UBE2E1: variants seen among roughly 807,000 people sequenced by gnomAD.
UBE2E1 encodes ubiquitin conjugating enzyme E2 E1.
UBE2E1 carries 6 observed loss-of-function variants against 21.4 expected under a neutral mutation model. The ratio of observed to expected loss-of-function variants is 0.28; its 90% CI spans 0.15 to 0.55. The LOEUF (loss-of-function observed/expected upper bound fraction) is 0.55. Ranked by LOEUF, UBE2E1 falls within the 20% of genes least tolerant of loss-of-function variation. The pLI is 0.93. For synonymous variants in UBE2E1, 87 were observed against 82.7 expected, an observed-to-expected ratio of 1.05 and a Z score of -0.28; for missense variants, 142 against 236.5, an observed-to-expected ratio of 0.60 and a Z score of 2.62.
chr3:23,839,050 C>A (rs1177613559), intron 3 of UBE2E1, among the ~76,000 whole-genome samples: 1 of 152,006 alleles, frequency 6.6e-6, no homozygotes, highest in Non-Finnish European at 1.5e-5. Flanking sequence ...CACAGCGACC[C>A]CTCAACAATC....
chr3:23,875,449 A>G lies in UBE2E1; in HGVS notation c.204-12118A>G, dbSNP rs558816701. On this transcript the variant is annotated intron_variant, in intron 3 of 5. Coordinates refer to ENST00000306627, the MANE Select transcript of UBE2E1 (RefSeq NM_003341.5). ...TCTGTGTAAATACCCAGACAAATCT[A>G]TTCTCTTCCTGGTTTGGAACAAATT... 2.0e-5 allele frequency among the ~76,000 whole-genome samples: 3 copies of G among 152,308 alleles called. No homozygotes were observed. The South Asian group carries it at 6.2e-4, about 32-fold the overall frequency.
At chr3:23,857,018 AAGAG>A (rs1553638830) in intron 3 of UBE2E1, among the ~76,000 whole-genome samples, 1 of 145,964 alleles carries the variant, frequency 6.9e-6, no homozygotes, top group Admixed American at 6.8e-5. Context: ...AAAAAAAAAA[AAGAG>A]AGAGAATGAG....
At chr3:23,879,392 A>T in intron 3 of UBE2E1, 1 of 530,012 alleles carries the variant, frequency 1.9e-6, no homozygotes, top group Middle Eastern at 4.3e-4. Context: ...CCTGTATAAG[A>T]CAGTTGTCTT....
At chr3:23,890,449 C>G in intron 5 of UBE2E1, 60 bp from the exon 6 acceptor site, 2 of 1,541,436 alleles carry the variant, frequency 1.3e-6, no homozygotes, top group Non-Finnish European at 1.8e-6. Context: ...TGTCACTATT[C>G]GCTAAAGTTT....
chr3:23,860,205 T>C (rs1386791456), intron 3 of UBE2E1, among the ~76,000 whole-genome samples: 1 of 152,214 alleles, frequency 6.6e-6, no homozygotes, highest in Non-Finnish European at 1.5e-5. Flanking sequence ...CTTGGCTAGA[T>C]GAAGATGAAC....
intron 3 of UBE2E1, among the ~76,000 whole-genome samples, chr3:23,840,194 C>T (rs543100526): frequency 3.9e-4 from 60 of 152,164 alleles, no homozygotes; most frequent in African/African-American, 1.4e-3. Context: ...AGGTATTTAT[C>T]ATTTTAAATT....
intron 3 of UBE2E1, among the ~76,000 whole-genome samples, chr3:23,882,044 G>A (rs970903603): frequency 7.2e-5 from 11 of 152,200 alleles, no homozygotes; most frequent in African/African-American, 1.9e-4. Flanking sequence ...AGCTCACAAA[G>A]GCAGTGCGGA....
In UBE2E1 at chr3:23,863,393, CT is replaced by C. The variant is rs1700594185; in HGVS notation, c.204-24173del. Among the ~76,000 whole-genome samples, 1 of 152,016 alleles carries C rather than the reference CT, an allele frequency of 6.6e-6. No individual in the cohort carries two copies. The highest frequency in any genetic ancestry group is 1.5e-5 in the Non-Finnish European group (1 of 68,016). Reference sequence around the variant, plus strand: ...CCAAGTTATTCTCTCACCTTTTCCCCTCTCCCTTTCTCCCTCTGTGCCCTTC... The same window carrying C: ...CCAAGTTATTCTCTCACCTTTTCCCCCTCCCTTTCTCCCTCTGTGCCCTTC... On this transcript the variant is annotated intron_variant, in intron 3 of 5. Coordinates refer to ENST00000306627, the MANE Select transcript of UBE2E1 (RefSeq NM_003341.5). The surrounding 1 kb of genome is among the most constrained non-coding windows in gnomAD (Gnocchi z 4.3).
intron 3 of UBE2E1, among the ~76,000 whole-genome samples, chr3:23,869,419 CTGTGTGTGTG>C (rs4024641): frequency 2.3e-5 from 3 of 132,526 alleles, no homozygotes; most frequent in Non-Finnish European, 4.6e-5. Flanking sequence ...TGGTCTTTTC[CTGTGTGTGTG>C]TGTGTGTGTG....
At chr3:23,809,216 A>C (rs187157743) in intron 2 of UBE2E1, among the ~76,000 whole-genome samples, 2 of 152,352 alleles carry the variant, frequency 1.3e-5, no homozygotes, top group Admixed American at 1.3e-4. Context: ...CTGAAAGAGT[A>C]GCTATTAGTG....
Position 23,851,274 on chromosome 3 carries a change from T to C in UBE2E1, c.204-36293T>C, listed in dbSNP as rs1272363320. ...TTTGTATCTATCCTTTTGCTGGTACTACGATGTCTTAATTTCTGTGGCTTC... is the reference window on the plus strand; with the variant it reads ...TTTGTATCTATCCTTTTGCTGGTACCACGATGTCTTAATTTCTGTGGCTTC... On this transcript the variant is annotated intron_variant, in intron 3 of 5. Coordinates refer to ENST00000306627, the MANE Select transcript of UBE2E1 (RefSeq NM_003341.5). Among the ~76,000 whole-genome samples the C allele has an allele frequency of 5.3e-5, 8 of 152,232 alleles. No individual in the cohort carries two copies. The East Asian group carries it at 1.5e-3, about 29-fold the overall frequency.
intron 3 of UBE2E1, among the ~76,000 whole-genome samples, chr3:23,829,177 AAAAG>A: frequency 6.6e-6 from 1 of 151,236 alleles, no homozygotes; most frequent in East Asian, 1.9e-4. Context: ...AAAAAAAAAA[AAAAG>A]AGAGGGCCTC....
At chr3:23,883,379 C>T (rs2125328162) in intron 3 of UBE2E1, among the ~76,000 whole-genome samples, 1 of 152,206 alleles carries the variant, frequency 6.6e-6, no homozygotes, top group South Asian at 2.1e-4. Flanking sequence ...GAGTCTTACT[C>T]CCTATTCTTC....
chr3:23,807,562 C>A, intron 2 of UBE2E1, 141 bp downstream of exon 2: 1 of 1,072,048 alleles, frequency 9.3e-7, no homozygotes, highest in Non-Finnish European at 1.3e-6. Context: ...GCCTTGGAAG[C>A]CCTAATTATT....
At chr3:23,846,609 T>C (rs1161681251) in intron 3 of UBE2E1, among the ~76,000 whole-genome samples, 1 of 146,610 alleles carries the variant, frequency 6.8e-6, no homozygotes, top group Non-Finnish European at 1.5e-5. Context: ...GGCCCGGCAA[T>C]CACTTGAACC....
intron 3 of UBE2E1, among the ~76,000 whole-genome samples, chr3:23,845,292 C>T (rs1390731146): frequency 6.6e-6 from 1 of 152,142 alleles, no homozygotes; most frequent in East Asian, 1.9e-4. Context: ...TGGCAGAATG[C>T]ATTGCACACT....
At chr3:23,839,841 T>C (rs1165954287) in intron 3 of UBE2E1, among the ~76,000 whole-genome samples, 2 of 152,322 alleles carry the variant, frequency 1.3e-5, no homozygotes, top group East Asian at 3.9e-4. Context: ...TCTTTTTGTC[T>C]GGCTACTTTT....
At chr3:23,867,103 A>G (rs1446344653) in intron 3 of UBE2E1, among the ~76,000 whole-genome samples, 2 of 146,884 alleles carry the variant, frequency 1.4e-5, no homozygotes, top group Non-Finnish European at 3.0e-5. Context: ...TTTTAAATGT[A>G]TTTCTTTATT....
chr3:23,821,573 A>G (rs945338402), intron 3 of UBE2E1, among the ~76,000 whole-genome samples: 3 of 152,244 alleles, frequency 2.0e-5, no homozygotes, highest in African/African-American at 7.2e-5. Flanking sequence ...TAGCTGGTGC[A>G]GGTGGCTAGG....
Sources: gnomAD v4.1 joint callset for allele counts (sites outside exome capture counted in the v4.1 genomes callset) on GRCh38, gnomAD v4.1.1 for gene constraint, Gnocchi (gnomAD v3.1) non-coding constraint, MANE v1.5 for transcripts, NCBI Gene and HGNC (gene_info 2026-07-23, HGNC 2026-07-21) for gene names.